SOX6: variants seen among roughly 807,000 people sequenced by gnomAD.
The protein encoded by SOX6 is SRY-box transcription factor 6.
Under a neutral mutation model 97.8 loss-of-function variants are expected in SOX6, and 11 were observed. That is an observed-to-expected ratio of 0.11 (90% CI 0.07 to 0.19). The LOEUF is 0.19. Ranked by LOEUF, SOX6 falls within the 10% of genes least tolerant of loss-of-function variation. The pLI, the probability that SOX6 is intolerant of heterozygous loss-of-function variation, is 1.00. For missense variants in SOX6, 810 were observed against 1,039.5 expected (o/e 0.78, Z 3.04); for synonymous variants, 360 against 371.4 (o/e 0.97, Z 0.35).
chr11:16,171,489 C>G (rs547008483), intron 6 of SOX6, among the ~76,000 whole-genome samples: 27 of 152,046 alleles, frequency 1.8e-4, no homozygotes, highest in South Asian at 4.1e-4. Context: ...ACATCAGACT[C>G]TTTTACATTC....
At chr11:16,595,447 G>A (rs1024843878) in intron 4 of SOX6, among the ~76,000 whole-genome samples, 1 of 152,016 alleles carries the variant, frequency 6.6e-6, no homozygotes, top group Non-Finnish European at 1.5e-5. Flanking sequence ...CTGGCTCAGA[G>A]AAAAGGCATT....
chr11:16,055,075 T>C (rs1008692197), intron 10 of SOX6, among the ~76,000 whole-genome samples: 2 of 152,170 alleles, frequency 1.3e-5, no homozygotes, highest in East Asian at 1.9e-4. Context: ...TGACAACTCA[T>C]TCCTTAAAGC....
chr11:16,703,913 T>C (rs1848112645), intron 3 of SOX6, among the ~76,000 whole-genome samples: 1 of 152,192 alleles, frequency 6.6e-6, no homozygotes, highest in African/African-American at 2.4e-5. Flanking sequence ...AAATGTCCTG[T>C]CTTACCAATA....
chr11:16,425,138 C>T (rs1209502707), intron 1 of SOX6, among the ~76,000 whole-genome samples: 1 of 152,204 alleles, frequency 6.6e-6, no homozygotes, highest in Non-Finnish European at 1.5e-5. Flanking sequence ...AATGCTAGTT[C>T]CCCTTTAGCA....
Position 16,046,777 on chromosome 11 carries a change from G to A in SOX6, c.1436-76C>T, listed in dbSNP as rs1855846654. Reference sequence around the variant, plus strand: ...AAGTACTACTACTATCCCCTCCCCTGTAGAAAGCTGCATTCTCTGAACAAG... The same window carrying A: ...AAGTACTACTACTATCCCCTCCCCTATAGAAAGCTGCATTCTCTGAACAAG... On this transcript the variant is annotated intron_variant, in intron 11 of 15. Transcript: ENST00000683767. The A allele has an allele frequency of 3.6e-6, 5 of 1,407,786 alleles. 1 individual carries two copies. In the South Asian group the frequency reaches 5.9e-5, roughly 16 times the overall value. 87.2% of individuals were successfully genotyped at this position (1,407,786 alleles called of 1,614,324 possible). A position where few individuals can be genotyped will look rare whatever the true frequency, so the allele number is the denominator to read the frequency against.
At chr11:16,671,346 G>A (rs972843511) in intron 3 of SOX6, among the ~76,000 whole-genome samples, 9 of 152,168 alleles carry the variant, frequency 5.9e-5, no homozygotes, top group African/African-American at 1.9e-4. Context: ...TAGGAATGAA[G>A]GTCATTGAGA....
chr11:16,290,418 A>T (rs1024539560), intron 3 of SOX6, among the ~76,000 whole-genome samples: 2 of 152,078 alleles, frequency 1.3e-5, no homozygotes, highest in Non-Finnish European at 2.9e-5. Context: ...TCATCTTATG[A>T]CTAACACCTT....
intron 2 of SOX6, among the ~76,000 whole-genome samples, chr11:16,716,287 T>C (rs950903460): frequency 6.6e-6 from 1 of 152,158 alleles, no homozygotes; most frequent in African/African-American, 2.4e-5. Context: ...TATGCACCTA[T>C]AGTCTCAGCT....
intron 2 of SOX6, among the ~76,000 whole-genome samples, chr11:16,319,471 G>A (rs1370054761): frequency 4.0e-5 from 6 of 151,892 alleles, no homozygotes; most frequent in South Asian, 2.1e-4. Flanking sequence ...CCATTAACTC[G>A]TCATTTACAT....
chr11:15,995,023 A>C (rs11023820), intron 13 of SOX6, among the ~76,000 whole-genome samples: 47,535 of 152,066 alleles, frequency 0.31, 8,712 homozygotes, highest in Non-Finnish European at 0.41. Context: ...GCTAGAATGC[A>C]AATAGAAAGT....
chr11:16,469,042 T>C (rs1028049674), intron 1 of SOX6, among the ~76,000 whole-genome samples: 2 of 148,692 alleles, frequency 1.3e-5, no homozygotes, highest in African/African-American at 2.5e-5. Context: ...GTAAGCAACA[T>C]GGAAGAATAA....
intron 3 of SOX6, among the ~76,000 whole-genome samples, chr11:16,287,298 T>TCTCTCTCACACACACA (rs1554953497): frequency 8.1e-6 from 1 of 123,448 alleles, no homozygotes. Flanking sequence ...TCTCTCTCTC[T>TCTCTCTCACACACACA]CACACACACA....
chr11:16,659,882 A>G (rs1235481242), intron 3 of SOX6, among the ~76,000 whole-genome samples: 3 of 152,064 alleles, frequency 2.0e-5, no homozygotes, highest in East Asian at 1.9e-4. Context: ...GAATTGGTCT[A>G]TTTCATATGT....
chr11:16,119,058 G>A (rs1345286097), intron 6 of SOX6, among the ~76,000 whole-genome samples: 1 of 152,080 alleles, frequency 6.6e-6, no homozygotes, highest in Non-Finnish European at 1.5e-5. Context: ...AGAAACAGGG[G>A]ATGGGGATCA....
chr11:16,281,256 T>C (rs1854552412), intron 3 of SOX6, among the ~76,000 whole-genome samples: 1 of 152,094 alleles, frequency 6.6e-6, no homozygotes, highest in Admixed American at 6.6e-5. Flanking sequence ...CTTTTGGTCG[T>C]GTATGTGTCA....
At chr11:16,200,566 T>C (rs1186143288) in intron 4 of SOX6, among the ~76,000 whole-genome samples, 2 of 152,174 alleles carry the variant, frequency 1.3e-5, no homozygotes, top group South Asian at 2.1e-4. Context: ...CTTAATCTCT[T>C]TCTAAAATGT....
chr11:16,644,028 G>C (rs1848968709), intron 3 of SOX6, among the ~76,000 whole-genome samples: 2 of 152,140 alleles, frequency 1.3e-5, no homozygotes, highest in African/African-American at 4.8e-5. Context: ...GACTGGAGCT[G>C]TTCCTATTCG....
At chr11:16,507,161 T>C (rs1860802395) in intron 4 of SOX6, among the ~76,000 whole-genome samples, 1 of 152,150 alleles carries the variant, frequency 6.6e-6, no homozygotes, top group South Asian at 2.1e-4. Context: ...GAGATGTGCC[T>C]GCTTCCCCTT....
At chr11:16,001,849 T>C (rs1854416529) in intron 13 of SOX6, among the ~76,000 whole-genome samples, 1 of 152,228 alleles carries the variant, frequency 6.6e-6, no homozygotes, top group Non-Finnish European at 1.5e-5. Context: ...TTCTATTTTT[T>C]TTCTATTAGA....
Sources: gnomAD v4.1 joint callset for allele counts (sites outside exome capture counted in the v4.1 genomes callset) on GRCh38, gnomAD v4.1.1 for gene constraint, MANE v1.5 for transcripts, NCBI Gene and HGNC (gene_info 2026-07-23, HGNC 2026-07-21) for gene names.